CACNA2D1: variants seen among roughly 807,000 people sequenced by gnomAD.
The protein encoded by CACNA2D1 is voltage-dependent calcium channel subunit alpha-2/delta-1.
A neutral mutation model predicts 171.5 loss-of-function variants in CACNA2D1; 53 were observed. The observed-to-expected ratio is 0.31, with a 90% CI of 0.25 to 0.39. The LOEUF (loss-of-function observed/expected upper bound fraction) is 0.39. Among genes scored for constraint, CACNA2D1 ranks in the 10% least tolerant of loss-of-function variants. The probability of loss-of-function intolerance (pLI) is 1.00; values close to 1 mark genes in which losing one functional copy is unlikely to be tolerated. For synonymous variants in CACNA2D1, 442 were observed against 443.1 expected (o/e 1.00, Z 0.03); for missense variants, 903 against 1,299.8 (o/e 0.69, Z 4.69).
chr7:82,332,526 GAA>G (rs761790787), intron 3 of CACNA2D1, among the ~76,000 whole-genome samples: 198 of 51,032 alleles, frequency 3.9e-3, no homozygotes, highest in South Asian at 0.01. Flanking sequence ...AAGAAAGAAA[GAA>G]AGAAAGAAAG....
At chr7:82,161,947 C>A (rs1368802882) in intron 4 of CACNA2D1, among the ~76,000 whole-genome samples, 1 of 151,784 alleles carries the variant, frequency 6.6e-6, no homozygotes, top group Non-Finnish European at 1.5e-5. Flanking sequence ...CCAATAAAGA[C>A]TGAAAAGGAA....
At chr7:82,148,143 A>G (rs1458370171) in intron 4 of CACNA2D1, among the ~76,000 whole-genome samples, 2 of 152,194 alleles carry the variant, frequency 1.3e-5, no homozygotes, top group African/African-American at 2.4e-5. Flanking sequence ...CTATTCTGTG[A>G]AAGTGGTAAC....
chr7:82,170,767 C>G (rs952232913), intron 3 of CACNA2D1, among the ~76,000 whole-genome samples, 158 bp from the exon 4 acceptor site: 2 of 151,868 alleles, frequency 1.3e-5, no homozygotes, highest in African/African-American at 4.8e-5. Flanking sequence ...GTAATCTAAC[C>G]TACTAAAGTT....
chr7:82,098,384 A>T (rs376486013), intron 6 of CACNA2D1, among the ~76,000 whole-genome samples: 1 of 152,222 alleles, frequency 6.6e-6, no homozygotes, highest in East Asian at 1.9e-4. Flanking sequence ...AGATAATATG[A>T]AGGATGTTGA....
chr7:82,327,724 T>A (rs2129442913), intron 3 of CACNA2D1, among the ~76,000 whole-genome samples: 1 of 152,290 alleles, frequency 6.6e-6, no homozygotes, highest in Non-Finnish European at 1.5e-5. Context: ...ACACGGTGAT[T>A]TCAGCAATGG....
At chr7:82,353,613 T>A (rs1820093591) in intron 1 of CACNA2D1, among the ~76,000 whole-genome samples, 3 of 151,944 alleles carry the variant, frequency 2.0e-5, no homozygotes, top group Admixed American at 6.6e-5. Context: ...TAGAGGAACC[T>A]GAGTAGTAAC....
At chr7:82,316,417 A>G (rs1815126019) in intron 3 of CACNA2D1, among the ~76,000 whole-genome samples, 1 of 152,134 alleles carries the variant, frequency 6.6e-6, no homozygotes, top group South Asian at 2.1e-4. Flanking sequence ...AAATATTTTT[A>G]CCCTTGCCAG....
intron 38 of CACNA2D1, among the ~76,000 whole-genome samples, chr7:81,952,710 C>T (rs1442223808): frequency 2.0e-5 from 3 of 152,004 alleles, no homozygotes; most frequent in Non-Finnish European, 4.4e-5. Context: ...TGTTACTTCT[C>T]TCTCCTTTCT....
intron 3 of CACNA2D1, among the ~76,000 whole-genome samples, chr7:82,325,064 C>G (rs42489): frequency 0.73 from 111,132 of 152,100 alleles, 41,048 homozygotes; most frequent in African/African-American, 0.85. Flanking sequence ...TTGGCACCTG[C>G]ACTACATTTC....
chr7:82,190,570 T>A (rs1798191088), intron 3 of CACNA2D1, among the ~76,000 whole-genome samples: 1 of 151,712 alleles, frequency 6.6e-6, no homozygotes, highest in African/African-American at 2.4e-5. Context: ...GTGGATTTGT[T>A]TACACCACCC....
intron 3 of CACNA2D1, among the ~76,000 whole-genome samples, chr7:82,218,522 C>G (rs1225039820): frequency 2.6e-5 from 4 of 152,194 alleles, no homozygotes; most frequent in African/African-American, 7.2e-5. Flanking sequence ...ATAATGACAC[C>G]TTACTATAAA....
intron 6 of CACNA2D1, among the ~76,000 whole-genome samples, chr7:82,114,559 A>T (rs1472756156): frequency 6.6e-6 from 1 of 152,118 alleles, no homozygotes; most frequent in East Asian, 1.9e-4. Context: ...CCTGGCCAAC[A>T]TGGTGAAACC....
intron 3 of CACNA2D1, among the ~76,000 whole-genome samples, chr7:82,176,911 C>T (rs1447295961): frequency 6.6e-6 from 1 of 151,736 alleles, no homozygotes; most frequent in Admixed American, 6.6e-5. Context: ...TTAAACTATA[C>T]ATGCTTTATT....
At chr7:82,265,501 G>T (rs1173494172) in intron 3 of CACNA2D1, among the ~76,000 whole-genome samples, 1 of 126,198 alleles carries the variant, frequency 7.9e-6, no homozygotes, top group Non-Finnish European at 1.6e-5. Flanking sequence ...TTTCATTCAA[G>T]AAATCCCCAC....
At chr7:82,185,481 GGGAGGAGGAGGGGGA>G (rs1797584736) in intron 3 of CACNA2D1, among the ~76,000 whole-genome samples, 4 of 28,962 alleles carry the variant, frequency 1.4e-4, no homozygotes, top group Non-Finnish European at 2.2e-4. Context: ...GGGGGGGAGG[GGGAGGAGGAGGGGGA>G]GGGGAGGGGG....
chr7:82,116,170 C>T (rs756525), intron 6 of CACNA2D1, among the ~76,000 whole-genome samples: 3,837 of 152,158 alleles, frequency 0.025, 70 homozygotes, highest in Middle Eastern at 0.065. Flanking sequence ...AGGCAGGGAA[C>T]GAGGTGCAGG....
rs1435395348 is a variant in CACNA2D1, at chr7:82,297,338, T to C, written c.294+37797A>G. 2.6e-5 allele frequency among the ~76,000 whole-genome samples: 4 copies of C among 152,268 alleles called. No individual in the cohort carries two copies. In the East Asian group the frequency reaches 7.8e-4, roughly 30 times the overall value. On this transcript the variant is annotated intron_variant, in intron 3 of 38. Transcript: ENST00000356860. ...CTTGATCATTGATCTGTAACATGAATGTCTCCTGGCAGCTAATACTAAGAT... is the reference window on the plus strand; with the variant it reads ...CTTGATCATTGATCTGTAACATGAACGTCTCCTGGCAGCTAATACTAAGAT...
At chr7:82,343,681 A>G (rs1333226895) in intron 2 of CACNA2D1, among the ~76,000 whole-genome samples, 1 of 152,204 alleles carries the variant, frequency 6.6e-6, no homozygotes, top group Non-Finnish European at 1.5e-5. Flanking sequence ...GAGATAATTT[A>G]TTAACCTAGC....
chr7:82,419,304 C>A (rs1282864058), intron 1 of CACNA2D1, among the ~76,000 whole-genome samples: 3 of 152,026 alleles, frequency 2.0e-5, no homozygotes, highest in African/African-American at 7.2e-5. Context: ...AAACAAATAC[C>A]CTTAGCAAGA....
Sources: gnomAD v4.1 joint callset for allele counts (sites outside exome capture counted in the v4.1 genomes callset) on GRCh38, gnomAD v4.1.1 for gene constraint, MANE v1.5 for transcripts, NCBI Gene and HGNC (gene_info 2026-07-23, HGNC 2026-07-21) for gene names.